ZBTB20: variants seen among roughly 807,000 people sequenced by gnomAD.
ZBTB20 encodes zinc finger and BTB domain-containing protein 20.
A neutral mutation model predicts 56.9 loss-of-function variants in ZBTB20; 9 were observed. That is an observed-to-expected ratio of 0.16 (90% confidence interval 0.10 to 0.28). The LOEUF is 0.28. ZBTB20 is among the 10% of genes least tolerant of loss of function. The pLI is 1.00. For synonymous variants in ZBTB20, 417 were observed against 420.7 expected (o/e 0.99, Z 0.11); for missense variants, 655 against 1,003.0 (o/e 0.65, Z 4.69).
chr3:115,084,881 TGG>T (rs2082928918), intron 1 of ZBTB20, among the ~76,000 whole-genome samples: 1 of 151,968 alleles, frequency 6.6e-6, no homozygotes, highest in Non-Finnish European at 1.5e-5. Context: ...AAGATTCACT[TGG>T]CATTCTGAAC....
At chr3:114,938,860 T>G (rs2076637094) in intron 3 of ZBTB20, among the ~76,000 whole-genome samples, 1 of 146,096 alleles carries the variant, frequency 6.8e-6, no homozygotes, top group Non-Finnish European at 1.5e-5. Flanking sequence ...GCATCTGTAC[T>G]GAACATGTAC....
At chr3:115,124,772 C>T (rs2084278731) in intron 1 of ZBTB20, among the ~76,000 whole-genome samples, 1 of 152,008 alleles carries the variant, frequency 6.6e-6, no homozygotes, top group African/African-American at 2.4e-5. Context: ...AACTGGAAAA[C>T]ATGTTTCTCT....
chr3:114,950,667 T>A (rs1420315940), intron 3 of ZBTB20, among the ~76,000 whole-genome samples: 1 of 152,284 alleles, frequency 6.6e-6, no homozygotes, highest in East Asian at 1.9e-4. Context: ...CTCCTCAGCA[T>A]ATATCCAATA....
chr3:114,471,881 G>A (rs999290514), intron 7 of ZBTB20, among the ~76,000 whole-genome samples: 2 of 152,108 alleles, frequency 1.3e-5, no homozygotes, highest in Admixed American at 6.5e-5. Context: ...ACTTTAATAA[G>A]GTTACCAGAT....
chr3:114,853,702 A>G (rs898795783), intron 4 of ZBTB20, among the ~76,000 whole-genome samples: 1 of 152,246 alleles, frequency 6.6e-6, no homozygotes, highest in African/African-American at 2.4e-5. Flanking sequence ...TTAAAAATCT[A>G]AACTAAACTT....
intron 7 of ZBTB20, among the ~76,000 whole-genome samples, chr3:114,443,282 GAA>G (rs545069225): frequency 1.3e-5 from 2 of 152,154 alleles, no homozygotes; most frequent in Non-Finnish European, 2.9e-5. Flanking sequence ...TCTCCAAAGT[GAA>G]AGTTTCTAGT....
intron 1 of ZBTB20, among the ~76,000 whole-genome samples, chr3:115,139,445 A>C (rs1416925272): frequency 6.6e-6 from 1 of 152,090 alleles, no homozygotes; most frequent in East Asian, 1.9e-4. Flanking sequence ...CAATATTTGC[A>C]AAGTCTTTTC....
chr3:115,118,799 C>T (rs905017594), intron 1 of ZBTB20, among the ~76,000 whole-genome samples: 1 of 143,046 alleles, frequency 7.0e-6, no homozygotes, highest in Non-Finnish European at 1.5e-5. Context: ...CCACTCACTG[C>T]AAGCTCCGCC....
intron 5 of ZBTB20, among the ~76,000 whole-genome samples, chr3:114,729,930 A>G (rs545611181): frequency 1.3e-5 from 2 of 149,534 alleles, no homozygotes; most frequent in African/African-American, 4.9e-5. Flanking sequence ...TAGCCTCATG[A>G]GTAGCTGGGA....
intron 4 of ZBTB20, among the ~76,000 whole-genome samples, chr3:114,801,921 G>C (rs1180968058): frequency 1.3e-5 from 2 of 151,728 alleles, no homozygotes; most frequent in Non-Finnish European, 2.9e-5. Context: ...TCCAAATTAA[G>C]TAACAGTCCA....
chr3:114,470,402 T>C (rs1007610953), intron 7 of ZBTB20, among the ~76,000 whole-genome samples: 2 of 152,136 alleles, frequency 1.3e-5, no homozygotes, highest in Non-Finnish European at 1.5e-5. Flanking sequence ...TGTTTTATAG[T>C]AGTTAGTTTT....
chr3:114,702,326 C>T (rs761752784), intron 5 of ZBTB20, among the ~76,000 whole-genome samples: 4 of 152,240 alleles, frequency 2.6e-5, no homozygotes, highest in East Asian at 1.9e-4. Context: ...CCAGTCTGAG[C>T]GAGAGAACGA....
intron 6 of ZBTB20, among the ~76,000 whole-genome samples, chr3:114,622,695 C>T (rs1355971785): frequency 3.9e-5 from 6 of 152,166 alleles, no homozygotes; most frequent in South Asian, 2.1e-4. Flanking sequence ...CAATGTAATA[C>T]GCTGGATCGC....
chr3:114,925,608 C>G (rs995059928), intron 3 of ZBTB20, among the ~76,000 whole-genome samples: 8 of 152,082 alleles, frequency 5.3e-5, no homozygotes, highest in African/African-American at 1.4e-4. Context: ...TTCACTGCAA[C>G]CTCTGCCTCC....
intron 4 of ZBTB20, among the ~76,000 whole-genome samples, chr3:114,802,732 A>G (rs1275993484): frequency 6.6e-6 from 1 of 151,962 alleles, no homozygotes; most frequent in Non-Finnish European, 1.5e-5. Context: ...ATAATCTCTG[A>G]AAAATGATTC....
chr3:114,987,445 A>G (rs935167907), intron 2 of ZBTB20, among the ~76,000 whole-genome samples: 2 of 152,138 alleles, frequency 1.3e-5, no homozygotes, highest in African/African-American at 4.8e-5. Context: ...TGATTCATTA[A>G]AGAAATAATT....
At chr3:114,962,906 T>C (rs1159836555) in intron 3 of ZBTB20, among the ~76,000 whole-genome samples, 1 of 152,130 alleles carries the variant, frequency 6.6e-6, no homozygotes, top group Non-Finnish European at 1.5e-5. Flanking sequence ...GTGTACTTAG[T>C]TGAGCTGGAG....
intron 5 of ZBTB20, among the ~76,000 whole-genome samples, chr3:114,779,955 A>G (rs1269059614): frequency 2.0e-5 from 3 of 152,226 alleles, no homozygotes; most frequent in Admixed American, 2.0e-4. Context: ...CCCTCTACAC[A>G]GGCAAATTAC....
intron 1 of ZBTB20, among the ~76,000 whole-genome samples, chr3:115,099,741 T>G (rs548146239): frequency 1.3e-5 from 2 of 152,136 alleles, no homozygotes; most frequent in South Asian, 4.2e-4. Flanking sequence ...CAGCTAAAAC[T>G]CATTGGCAAA....
Sources: allele counts gnomAD v4.1 joint callset (sites outside exome capture counted in the v4.1 genomes callset), GRCh38; gene constraint gnomAD v4.1.1; transcripts MANE v1.5; gene names NCBI Gene and HGNC (gene_info 2026-07-23, HGNC 2026-07-21).